The following EBF1 variants were observed in gnomAD, a reference collection of about 807,000 sequenced individuals.
The protein encoded by EBF1 is EBF transcription factor 1, also known as transcription factor COE1.
In EBF1, 10 loss-of-function variants were observed where a neutral mutation model predicts 68.4. The ratio of observed to expected loss-of-function variants is 0.15; its 90% CI spans 0.09 to 0.25. The LOEUF is 0.25. Among genes scored for constraint, EBF1 ranks in the 10% least tolerant of loss-of-function variants. EBF1 has a pLI of 1.00. For missense variants in EBF1, 509 were observed against 794.4 expected (o/e 0.64, Z 4.32); for synonymous variants, 298 against 299.8 (o/e 0.99, Z 0.06).
At chr5:158,884,218 A>G (rs898248402) in intron 6 of EBF1, among the ~76,000 whole-genome samples, 11 of 152,220 alleles carry the variant, frequency 7.2e-5, no homozygotes, top group Non-Finnish European at 1.6e-4. Context: ...ATCCATTTCA[A>G]TTTGATCAGA....
intron 6 of EBF1, among the ~76,000 whole-genome samples, chr5:158,951,769 T>C (rs1816055643): frequency 6.6e-6 from 1 of 152,188 alleles, no homozygotes; most frequent in South Asian, 2.1e-4. Context: ...CTTCTCTGCT[T>C]ATCCACTACG....
At chr5:158,865,909 A>T (rs1795786422) in intron 6 of EBF1, among the ~76,000 whole-genome samples, 1 of 152,236 alleles carries the variant, frequency 6.6e-6, no homozygotes, top group Non-Finnish European at 1.5e-5. Context: ...GGTCTTATTC[A>T]CCATCGTTGG....
At chr5:158,734,777 T>C (rs999748313) in intron 10 of EBF1, among the ~76,000 whole-genome samples, 1 of 151,834 alleles carries the variant, frequency 6.6e-6, no homozygotes, top group African/African-American at 2.4e-5. Context: ...TAAAGAAGCA[T>C]GAGCATCTTA....
chr5:158,907,139 G>A (rs1262733606), intron 6 of EBF1, among the ~76,000 whole-genome samples: 1 of 152,190 alleles, frequency 6.6e-6, no homozygotes. Flanking sequence ...GATACTGGGA[G>A]TATGATAGTT....
chr5:158,936,425 A>G (rs1398886856), intron 6 of EBF1, among the ~76,000 whole-genome samples: 1 of 152,226 alleles, frequency 6.6e-6, no homozygotes, highest in Non-Finnish European at 1.5e-5. Context: ...TCCTATGTAA[A>G]GGTAATAATA....
chr5:158,846,652 G>A (rs1212488864), intron 6 of EBF1, among the ~76,000 whole-genome samples: 1 of 152,196 alleles, frequency 6.6e-6, no homozygotes, highest in Non-Finnish European at 1.5e-5. Context: ...CAATGTCAAA[G>A]AAAGCGTTTT....
At chr5:158,910,142 T>C (rs1283625406) in intron 6 of EBF1, among the ~76,000 whole-genome samples, 2 of 152,132 alleles carry the variant, frequency 1.3e-5, no homozygotes, top group Non-Finnish European at 2.9e-5. Context: ...ACATTTTTGT[T>C]ACTGACTCCA....
At chr5:158,710,968 G>T (rs1303593261) in intron 14 of EBF1, among the ~76,000 whole-genome samples, 1 of 152,176 alleles carries the variant, frequency 6.6e-6, no homozygotes. Context: ...GAGAACACGG[G>T]TTATGACATT....
At chr5:158,864,429 T>C (rs1392410902) in intron 6 of EBF1, among the ~76,000 whole-genome samples, 1 of 152,004 alleles carries the variant, frequency 6.6e-6, no homozygotes, top group Non-Finnish European at 1.5e-5. Flanking sequence ...GAATGAGGAA[T>C]AAATATTGGA....
At chr5:158,864,769 C>T (rs1313930458) in intron 6 of EBF1, among the ~76,000 whole-genome samples, 5 of 152,092 alleles carry the variant, frequency 3.3e-5, no homozygotes, top group Non-Finnish European at 7.4e-5. Flanking sequence ...CAAGAAGGAG[C>T]CCAGCCATGC....
intron 9 of EBF1, among the ~76,000 whole-genome samples, chr5:158,778,938 C>T (rs1489506033): frequency 6.6e-6 from 1 of 152,090 alleles, no homozygotes; most frequent in Non-Finnish European, 1.5e-5. Flanking sequence ...TTTTATTCCG[C>T]TTCTTTGTCT....
intron 6 of EBF1, among the ~76,000 whole-genome samples, chr5:158,979,118 A>C (rs1041575632): frequency 5.3e-5 from 8 of 152,334 alleles, no homozygotes; most frequent in Non-Finnish European, 8.8e-5. Flanking sequence ...AAGAGAAAAA[A>C]GAAGAAAGTG....
chr5:159,075,569 G>T (rs1778614512), intron 5 of EBF1, among the ~76,000 whole-genome samples: 1 of 152,112 alleles, frequency 6.6e-6, no homozygotes, highest in Non-Finnish European at 1.5e-5. Flanking sequence ...AAGCCTATCT[G>T]ATTTTCTCCT....
chr5:158,949,780 C>A (rs1367684657), intron 6 of EBF1, among the ~76,000 whole-genome samples: 1 of 152,228 alleles, frequency 6.6e-6, no homozygotes, highest in Non-Finnish European at 1.5e-5. Flanking sequence ...GTGCGCTAAG[C>A]CATACACACC....
intron 6 of EBF1, among the ~76,000 whole-genome samples, chr5:158,866,833 GTATATATATATA>G (rs70987938): frequency 1.2e-3 from 108 of 92,766 alleles, no homozygotes; most frequent in Middle Eastern, 5.2e-3. Context: ...ATATGTATAT[GTATATATATATA>G]TATATATATA....
intron 6 of EBF1, among the ~76,000 whole-genome samples, chr5:158,911,795 C>T (rs1806039305): frequency 6.6e-6 from 1 of 152,206 alleles, no homozygotes; most frequent in Non-Finnish European, 1.5e-5. Context: ...TCCACATGCC[C>T]TACTTGGCAG....
At chr5:158,941,621 A>G (rs930597691) in intron 6 of EBF1, among the ~76,000 whole-genome samples, 3 of 152,132 alleles carry the variant, frequency 2.0e-5, no homozygotes, top group Admixed American at 6.5e-5. Context: ...TTGTTATGCT[A>G]TTTGGTTGCT....
At chr5:158,888,143 G>A (rs1052569398) in intron 6 of EBF1, among the ~76,000 whole-genome samples, 9 of 152,102 alleles carry the variant, frequency 5.9e-5, no homozygotes, top group South Asian at 2.1e-4. Flanking sequence ...GGAAAGAGAC[G>A]CCACAAAAGG....
intron 6 of EBF1, among the ~76,000 whole-genome samples, chr5:158,978,368 C>A (rs1757198729): frequency 6.6e-6 from 1 of 152,352 alleles, no homozygotes; most frequent in African/African-American, 2.4e-5. Context: ...TGGTGTGGAA[C>A]TACTGCACAC....
Sources: gnomAD v4.1 joint callset for allele counts (sites outside exome capture counted in the v4.1 genomes callset) on GRCh38, gnomAD v4.1.1 for gene constraint, MANE v1.5 for transcripts, NCBI Gene and HGNC (gene_info 2026-07-23, HGNC 2026-07-21) for gene names.